Variants in NRL observed in about 807,000 individuals in gnomAD.
The protein encoded by NRL is neural retina-specific leucine zipper protein.
In NRL, 16 loss-of-function variants were observed where a neutral mutation model predicts 12.5. The observed-to-expected ratio is 1.28, with a 90% CI of 0.87 to 1.95. NRL has a LOEUF of 1.95. Ranked by LOEUF, NRL falls within the 30% of genes most tolerant of loss-of-function variation. NRL has a pLI of 0.00. For synonymous variants in NRL, 142 were observed against 150.9 expected, an observed-to-expected ratio of 0.94 and a Z score of 0.43; for missense variants, 314 against 325.8, an observed-to-expected ratio of 0.96 and a Z score of 0.28.
rs1309544066 is a variant in NRL at position 24,081,329 on chromosome 14, G to A, written c.621C>T (p.Arg207=). The A allele has an allele frequency of 2.0e-6, 3 of 1,478,438 alleles. No individual in the cohort carries two copies. The highest frequency in any genetic ancestry group is 2.4e-5 in the Admixed American group (1 of 42,218). 91.6% of individuals were successfully genotyped at this position (1,478,438 alleles called of 1,614,324 possible). The part of the protein sequence containing the change: ...QLDALRAEVA[R]LARERDLYKA... Reference sequence around the variant, plus strand: ...TGTAGAGATCGCGCTCCCGGGCCAGGCGGGCCACCTCGGCCCGCAGCGCGT... The same window carrying A: ...TGTAGAGATCGCGCTCCCGGGCCAGACGGGCCACCTCGGCCCGCAGCGCGT... Residue 207 remains arginine, a synonymous_variant, in exon 3 of 3, where the codon CGC becomes CGT. Coordinates refer to ENST00000561028, the MANE Select transcript of NRL (RefSeq NM_001354768.3). This position sits in a 1 kb window ranked among gnomAD's most constrained non-coding sequence, Gnocchi z 4.4.
Position 24,082,499 on chromosome 14 carries a change from C to T in NRL, c.350G>A (p.Ser117Asn), listed in dbSNP as rs755516047. 3 of 1,613,054 alleles carry T rather than the reference C, an allele frequency of 1.9e-6. No individual in the cohort carries two copies. The highest frequency in any genetic ancestry group is 3.3e-5 in the Admixed American group (2 of 60,030). Residue 117 changes from serine to asparagine, a missense_variant, in exon 2 of 3, where the codon AGC becomes AAC. Coordinates refer to ENST00000561028, the MANE Select transcript of NRL (RefSeq NM_001354768.3). ...VDGPHGYYPG[S>N]PEETGAQHVQ... The stretch of plus-strand genomic sequence containing the variant: ...GTGCTGGGCTCCTGTCTCCTCTGGG[C>T]TCCCTGGGTAGTAGCCATGGGGCCC...
chr14:24,104,652 A>C (rs181304998), intron 1 of NRL, among the ~76,000 whole-genome samples: 6,689 of 143,454 alleles, frequency 0.047, 208 homozygotes, highest in Non-Finnish European at 0.066. Context: ...AAAAAAAAAA[A>C]CAAAACAAAA....
chr14:24,102,184 C>A (rs1336243231), intron 1 of NRL, among the ~76,000 whole-genome samples: 1 of 152,150 alleles, frequency 6.6e-6, no homozygotes, highest in African/African-American at 2.4e-5. Flanking sequence ...GCCAAGATTG[C>A]ACCACTGCAC....
intron 1 of NRL, among the ~76,000 whole-genome samples, chr14:24,100,885 C>A (rs753759303): frequency 2.0e-5 from 3 of 152,186 alleles, no homozygotes; most frequent in African/African-American, 7.2e-5. Context: ...TTACCCTGGG[C>A]GCCTGGGAGT....
chr14:24,100,059 C>T (rs2037095882), intron 1 of NRL: 3 of 1,613,246 alleles, frequency 1.9e-6, no homozygotes, highest in Admixed American at 1.7e-5. Flanking sequence ...CCTCTGCCAC[C>T]ACCAATCCCA....
In NRL at chr14:24,114,863, T is replaced by G. The variant is rs573881980; in HGVS notation, c.-169A>C. The G allele has an allele frequency of 1.0e-6, 1 of 985,820 alleles. No homozygotes were observed. Among genetic ancestry groups the G allele is most frequent in the Non-Finnish European group, 1.2e-6 (1 of 829,962 alleles). The allele number at this position is 985,820 out of a possible 1,614,324, so 61.1% of individuals were successfully genotyped here. A position where few individuals can be genotyped will look rare whatever the true frequency, so the allele number is the denominator to read the frequency against. On this transcript the variant is annotated 5_prime_UTR_variant, in exon 1 of 3. Transcript: ENST00000561028. ...ACGGAGGAGCGGTTGGCCAACGCAGTGGCGGCAGTCGGTGTAAACAAGGCC... is the reference window on the plus strand; with the variant it reads ...ACGGAGGAGCGGTTGGCCAACGCAGGGGCGGCAGTCGGTGTAAACAAGGCC...
intron 1 of NRL, among the ~76,000 whole-genome samples, chr14:24,092,171 C>T (rs1225999589): frequency 2.0e-5 from 3 of 152,118 alleles, no homozygotes; most frequent in African/African-American, 4.8e-5. Flanking sequence ...AGTGGATTTG[C>T]ATGCACAGTG....
rs1198503837 is a variant in NRL, at chr14:24,094,379, C to T, written c.-27-11504G>A. On this transcript the variant is annotated intron_variant, in intron 1 of 2. Transcript: ENST00000561028. The surrounding 1 kb of genome is among the most constrained non-coding windows in gnomAD (Gnocchi z 4.1). ...CTCCCCGGCTCCGCTCGGTTCCTGGCCACCCCGCAGCCCCTGCCCAGGTGC... is the reference window on the plus strand; with the variant it reads ...CTCCCCGGCTCCGCTCGGTTCCTGGTCACCCCGCAGCCCCTGCCCAGGTGC... The T allele has an allele frequency of 1.3e-6, 2 of 1,544,826 alleles. No homozygotes were observed. Among genetic ancestry groups the T allele is most frequent in the South Asian group, 1.2e-5 (1 of 84,510 alleles).
At chr14:24,100,119 GA>G in intron 1 of NRL, 1 of 1,613,376 alleles carries the variant, frequency 6.2e-7, no homozygotes, top group Non-Finnish European at 8.5e-7. Context: ...ATGTGGCTGA[GA>G]CCAGTGATGG....
At chr14:24,099,276 G>T in intron 1 of NRL, 1 of 1,554,812 alleles carries the variant, frequency 6.4e-7, no homozygotes, top group Non-Finnish European at 8.7e-7. Context: ...GCCGGGGACA[G>T]GGCAGGGGTG....
At chr14:24,102,819 T>C in intron 1 of NRL, 10 of 1,614,038 alleles carry the variant, frequency 6.2e-6, no homozygotes, top group Non-Finnish European at 8.5e-6. Flanking sequence ...TGCCCCATCA[T>C]GGACCCAGCC....
intron 1 of NRL, among the ~76,000 whole-genome samples, chr14:24,102,382 C>A (rs2037196914): frequency 6.6e-6 from 1 of 152,166 alleles, no homozygotes; most frequent in Non-Finnish European, 1.5e-5. Context: ...AAATAATAAT[C>A]TCACAAATAA....
rs748999699 is a variant in NRL at position 24,081,330 on chromosome 14, C to T, written c.620G>A (p.Arg207His). 3.5e-5 allele frequency: 52 copies of T among 1,476,220 alleles called. No individual in the cohort carries two copies. The highest frequency in any genetic ancestry group is 4.3e-5 in the Non-Finnish European group (48 of 1,112,060). The allele number at this position is 1,476,220 out of a possible 1,614,324, so 91.4% of individuals were successfully genotyped here. ...QLDALRAEVA[R>H]LARERDLYKA... ...GTAGAGATCGCGCTCCCGGGCCAGG[C>T]GGGCCACCTCGGCCCGCAGCGCGTC... The change falls in exon 3 of 3, where the codon CGC (arginine) becomes CAC (histidine). Residue 207 changes from arginine to histidine, a missense_variant. Transcript: ENST00000561028. The surrounding 1 kb of genome is among the most constrained non-coding windows in gnomAD (Gnocchi z 4.4).
Position 24,094,766 on chromosome 14 carries a change from A to C in NRL, c.-27-11891T>G. 1 of 1,429,192 alleles carries C rather than the reference A, an allele frequency of 7.0e-7. No homozygotes were observed. The highest frequency in any genetic ancestry group is 9.3e-7 in the Non-Finnish European group (1 of 1,079,164). The allele number at this position is 1,429,192 out of a possible 1,614,324, so 88.5% of individuals were successfully genotyped here. Reference sequence around the variant, plus strand: ...CCGCATATCCTCCTTTCCTTCCCAGATACCTCCCTCGGACCTCTAACGGGC... The same window carrying C: ...CCGCATATCCTCCTTTCCTTCCCAGCTACCTCCCTCGGACCTCTAACGGGC... On this transcript the variant is annotated intron_variant, in intron 1 of 2. Coordinates refer to ENST00000561028, the MANE Select transcript of NRL (RefSeq NM_001354768.3). This position sits in a 1 kb window ranked among gnomAD's most constrained non-coding sequence, Gnocchi z 4.1.
chr14:24,098,514 T>C, intron 1 of NRL: 3 of 1,614,154 alleles, frequency 1.9e-6, no homozygotes, highest in Non-Finnish European at 2.5e-6. Context: ...ATGGGTCCTG[T>C]GGGCTCCCCG....
chr14:24,097,971 T>A (rs1330022765), intron 1 of NRL, among the ~76,000 whole-genome samples: 1 of 151,972 alleles, frequency 6.6e-6, no homozygotes, highest in South Asian at 2.1e-4. Context: ...TTTTTTTTTT[T>A]CCTCACCAGT....
At position 24,101,400 on chromosome 14, in the gene NRL, T is replaced by C. The variant is rs367823562; in HGVS notation, c.-28+13322A>G. Among the ~76,000 whole-genome samples, 463 of 152,236 alleles carry C rather than the reference T, an allele frequency of 3.0e-3. 4 individuals are homozygous for C. The highest frequency in any genetic ancestry group is 5.2e-3 in the Non-Finnish European group (353 of 68,000). On this transcript the variant is annotated intron_variant, in intron 1 of 2. Transcript: ENST00000561028. ...CACTCCCCAGGTCTGACCAGCAACC[T>C]CCAGCAGAGAAGGCACCATGTCCAC...
chr14:24,108,128 T>A (rs1182188121), intron 1 of NRL, among the ~76,000 whole-genome samples: 1 of 152,204 alleles, frequency 6.6e-6, no homozygotes, highest in East Asian at 1.9e-4. Flanking sequence ...CCATGCTCAT[T>A]GTGTTCATTT....
In NRL at chr14:24,114,900, C is replaced by T. The variant is rs959920947; in HGVS notation, c.-206G>A. The T allele has an allele frequency of 4.1e-6, 4 of 985,842 alleles. No homozygotes were observed. Among genetic ancestry groups the T allele is most frequent in the African/African-American group, 1.7e-5 (1 of 57,256 alleles). The allele number at this position is 985,842 out of a possible 1,614,324, so 61.1% of individuals were successfully genotyped here. A position where few individuals can be genotyped will look rare whatever the true frequency, so the allele number is the denominator to read the frequency against. On this transcript the variant is annotated 5_prime_UTR_variant, in exon 1 of 3. Coordinates refer to ENST00000561028, the MANE Select transcript of NRL (RefSeq NM_001354768.3). Reference sequence around the variant, plus strand: ...GTGTAAACAAGGCCTCGCGCCGCTGCGGGTCCTGCGACCGCTCCTGGCTGG... The same window carrying T: ...GTGTAAACAAGGCCTCGCGCCGCTGTGGGTCCTGCGACCGCTCCTGGCTGG...
Sources: allele counts gnomAD v4.1 joint callset (sites outside exome capture counted in the v4.1 genomes callset), GRCh38; gene constraint gnomAD v4.1.1; non-coding constraint Gnocchi (gnomAD v3.1); transcripts MANE v1.5; gene names NCBI Gene and HGNC (gene_info 2026-07-23, HGNC 2026-07-21).